The following HIVEP2 variants were observed in gnomAD, a reference collection of about 807,000 sequenced individuals.
HIVEP2 encodes HIVEP zinc finger 2.
In HIVEP2, 14 loss-of-function variants were observed where a neutral mutation model predicts 180.7. The ratio of observed to expected loss-of-function variants is 0.08; its 90% CI spans 0.05 to 0.12. HIVEP2 has a LOEUF of 0.12. HIVEP2 is among the 10% of genes least tolerant of loss of function. The pLI is 1.00. For synonymous variants in HIVEP2, 1,184 were observed against 1,136.4 expected (o/e 1.04, Z -0.84); for missense variants, 2,579 against 3,008.5 (o/e 0.86, Z 3.34).
rs1774936876 is a variant in HIVEP2 at position 142,752,084 on chromosome 6, A to G, written c.*1023T>C. 6.6e-6 allele frequency: 1 copy of G among 152,662 alleles called. No individual in the cohort carries two copies. Among genetic ancestry groups the G allele is most frequent in the Admixed American group, 6.5e-5 (1 of 15,280 alleles). The allele number at this position is 152,662 out of a possible 1,614,324, so 9.5% of individuals were successfully genotyped here. A position where few individuals can be genotyped will look rare whatever the true frequency, so the allele number is the denominator to read the frequency against. On this transcript the variant is annotated 3_prime_UTR_variant, in exon 10 of 10. Transcript: ENST00000367603. ...GGGCCGGCCGATAACCAAGCTCTAC[A>G]CAGTCCCATGTGCTTTGTCACCTTA...
At chr6:142,942,431 A>G (rs1778203001) in intron 1 of HIVEP2, among the ~76,000 whole-genome samples, 1 of 152,222 alleles carries the variant, frequency 6.6e-6, no homozygotes, top group Non-Finnish European at 1.5e-5. Context: ...TTACTCCACA[A>G]GGAACGTCTC....
chr6:142,796,189 G>A (rs193043104), intron 2 of HIVEP2, among the ~76,000 whole-genome samples: 2 of 152,218 alleles, frequency 1.3e-5, no homozygotes, highest in Admixed American at 1.3e-4. Context: ...GCTTCACTGA[G>A]GGCTCTGAGT....
Position 142,772,106 on chromosome 6 carries a change from G to A in HIVEP2, c.2633C>T (p.Pro878Leu), listed in dbSNP as rs370813163. 2.5e-6 allele frequency: 4 copies of A among 1,614,166 alleles called. No individual in the cohort carries two copies. Among genetic ancestry groups the A allele is most frequent in the Non-Finnish European group, 3.4e-6 (4 of 1,180,028 alleles). ...GATGTTGTGTTGCCGAACTAGCCTG[G>A]GCTGTGTGTGATAGGACTGCTGCTG... Reference protein sequence around the residue: ...QVQQQSYHTQPRLVRQHNIQV... With the variant: ...QVQQQSYHTQLRLVRQHNIQV... The change falls in exon 5 of 10, where the codon CCC becomes CTC. Residue 878 changes from proline to leucine, a missense_variant. This residue lies in a region of HIVEP2 where 51 missense variants were observed against 102.8 expected (regional missense o/e 0.50). Transcript: ENST00000367603. This position sits in a 1 kb window ranked among gnomAD's most constrained non-coding sequence, Gnocchi z 4.9.
intron 1 of HIVEP2, among the ~76,000 whole-genome samples, chr6:142,863,276 A>C (rs1251302050): frequency 6.6e-6 from 1 of 151,546 alleles, no homozygotes; most frequent in East Asian, 1.9e-4. Flanking sequence ...AAAATAAACT[A>C]CCAGTTATAG....
chr6:142,852,405 A>G (rs1182632773), intron 1 of HIVEP2, among the ~76,000 whole-genome samples: 2 of 152,098 alleles, frequency 1.3e-5, no homozygotes, highest in African/African-American at 4.8e-5. Flanking sequence ...TCTTGTCTTC[A>G]TGGAGCTCAG....
intron 1 of HIVEP2, among the ~76,000 whole-genome samples, chr6:142,839,317 A>G (rs541648626): frequency 6.6e-6 from 1 of 152,210 alleles, no homozygotes; most frequent in East Asian, 1.9e-4. Flanking sequence ...ACCTGATGAA[A>G]GTCACTGACT....
chr6:142,821,155 T>C (rs1777026117), intron 2 of HIVEP2, among the ~76,000 whole-genome samples: 1 of 152,226 alleles, frequency 6.6e-6, no homozygotes, highest in Non-Finnish European at 1.5e-5. Flanking sequence ...CTTCCCCATA[T>C]TGCCTGAATA....
chr6:142,792,122 A>C (rs1470306922), intron 2 of HIVEP2, among the ~76,000 whole-genome samples: 2 of 151,268 alleles, frequency 1.3e-5, no homozygotes, highest in Non-Finnish European at 3.0e-5. Flanking sequence ...GCAGAAGGTA[A>C]AGAACTTTAG....
chr6:142,913,165 C>T (rs917057450), intron 1 of HIVEP2, among the ~76,000 whole-genome samples: 3 of 152,150 alleles, frequency 2.0e-5, no homozygotes, highest in Non-Finnish European at 4.4e-5. Flanking sequence ...TTAGGATGAG[C>T]TTGTCAAAAA....
chr6:142,806,870 GT>G (rs1422999935), intron 2 of HIVEP2, among the ~76,000 whole-genome samples: 76 of 152,296 alleles, frequency 5.0e-4, no homozygotes, highest in African/African-American at 1.7e-3. Context: ...TAGTGGTTAA[GT>G]AACTGTCCAG....
chr6:142,859,946 C>T (rs1197643373), intron 1 of HIVEP2, among the ~76,000 whole-genome samples: 1 of 151,430 alleles, frequency 6.6e-6, no homozygotes, highest in African/African-American at 2.4e-5. Flanking sequence ...GAGGTAATAT[C>T]CTTTGAAAGT....
intron 1 of HIVEP2, among the ~76,000 whole-genome samples, chr6:142,944,376 C>A (rs1472578870): frequency 7.1e-6 from 1 of 141,414 alleles, no homozygotes; most frequent in Non-Finnish European, 1.5e-5. Context: ...CCCCCCCCAC[C>A]AAATACGACA....
intron 1 of HIVEP2, among the ~76,000 whole-genome samples, chr6:142,902,519 C>T (rs1311232408): frequency 6.6e-6 from 1 of 152,210 alleles, no homozygotes; most frequent in African/African-American, 2.4e-5. Flanking sequence ...AAACAGTTAA[C>T]AACCACTCAA....
intron 2 of HIVEP2, among the ~76,000 whole-genome samples, chr6:142,784,768 T>TA (rs1313013500): frequency 6.6e-6 from 1 of 152,232 alleles, no homozygotes; most frequent in East Asian, 1.9e-4. Context: ...CAAGGTCTAC[T>TA]ATTCTCAAAA....
chr6:142,843,594 A>G (rs1278322866), intron 1 of HIVEP2, among the ~76,000 whole-genome samples: 1 of 152,178 alleles, frequency 6.6e-6, no homozygotes, highest in African/African-American at 2.4e-5. Flanking sequence ...CACAAGAGAA[A>G]GCTACGGTGA....
intron 3 of HIVEP2, 108 bp downstream of exon 3, chr6:142,783,413 T>C (rs1187891847): frequency 1.5e-5 from 2 of 136,846 alleles, no homozygotes; most frequent in Admixed American, 1.5e-4. Flanking sequence ...AGATGGAAAA[T>C]ATATTGTTTC....
chr6:142,935,659 C>G (rs1176176649), intron 1 of HIVEP2, among the ~76,000 whole-genome samples: 1 of 152,070 alleles, frequency 6.6e-6, no homozygotes, highest in African/African-American at 2.4e-5. Flanking sequence ...GTTCTCATGG[C>G]CCCCATCTTA....
chr6:142,843,353 T>C (rs1160643478), intron 1 of HIVEP2, among the ~76,000 whole-genome samples: 1 of 152,026 alleles, frequency 6.6e-6, no homozygotes, highest in Admixed American at 6.6e-5. Context: ...ACTGAGCTAA[T>C]ACAGAAAAAA....
intron 2 of HIVEP2, among the ~76,000 whole-genome samples, chr6:142,818,733 A>AAAGAAGGAAAGAAAGAAAG (rs1462347393): frequency 7.2e-5 from 3 of 41,764 alleles, no homozygotes; most frequent in African/African-American, 3.0e-4. Flanking sequence ...AGAAAGAAAG[A>AAAGAAGGAAAGAAAGAAAG]AAAGAAAGAA....
Sources: gnomAD v4.1 joint callset for allele counts (sites outside exome capture counted in the v4.1 genomes callset) on GRCh38, gnomAD v4.1.1 for gene constraint, gnomAD v4.1.1 regional missense constraint, Gnocchi (gnomAD v3.1) non-coding constraint, MANE v1.5 for transcripts, NCBI Gene and HGNC (gene_info 2026-07-23, HGNC 2026-07-21) for gene names.